Variants in DRC8 observed in about 807,000 individuals in gnomAD.
The protein encoded by DRC8 is dynein regulatory complex protein 8.
chr1:245,076,841 C>T, the DRC8 span, among the ~76,000 whole-genome samples: 1 of 152,092 alleles, frequency 6.6e-6, no homozygotes, highest in Admixed American at 6.6e-5. Context: ...ATCCTCCTGC[C>T]TCAGCCTCCC....
the DRC8 span, among the ~76,000 whole-genome samples, chr1:245,055,447 G>T: frequency 6.6e-6 from 1 of 152,104 alleles, no homozygotes; most frequent in African/African-American, 2.4e-5. Context: ...TGTCTCCTGA[G>T]TAGCTGGGAC....
the DRC8 span, among the ~76,000 whole-genome samples, chr1:245,084,681 C>A: frequency 6.6e-6 from 1 of 152,156 alleles, no homozygotes; most frequent in Non-Finnish European, 1.5e-5. Flanking sequence ...CCATACAAAG[C>A]TAGAGCTCTC....
chr1:245,058,580 C>T, the DRC8 span, among the ~76,000 whole-genome samples: 2 of 151,978 alleles, frequency 1.3e-5, no homozygotes, highest in East Asian at 1.9e-4. Flanking sequence ...TGAATATTTG[C>T]GAAATTAAAT....
the DRC8 span, among the ~76,000 whole-genome samples, chr1:245,080,260 T>C: frequency 6.6e-6 from 1 of 152,164 alleles, no homozygotes; most frequent in Admixed American, 6.6e-5. Flanking sequence ...TCCTTATAGA[T>C]AGCCCGACAT....
the DRC8 span, among the ~76,000 whole-genome samples, chr1:244,972,136 A>G: frequency 2.0e-5 from 3 of 152,208 alleles, no homozygotes; most frequent in Non-Finnish European, 4.4e-5. Flanking sequence ...CAGCTTTTGA[A>G]CAATTTTTTT....
At chr1:245,092,157 TAGAG>T in the DRC8 span, among the ~76,000 whole-genome samples, 3 of 152,158 alleles carry the variant, frequency 2.0e-5, no homozygotes, top group Non-Finnish European at 4.4e-5. Context: ...GTCTGTAAAA[TAGAG>T]AGCCCAGCTC....
At chr1:244,970,777 T>G in the DRC8 span, 1 of 357,290 alleles carries the variant, frequency 2.8e-6, no homozygotes. Context: ...TCCCGCCCCG[T>G]CCTCCTTCCC....
At chr1:245,017,743 C>T in the DRC8 span, among the ~76,000 whole-genome samples, 1 of 152,116 alleles carries the variant, frequency 6.6e-6, no homozygotes, top group African/African-American at 2.4e-5. Context: ...TATGCGATGA[C>T]ACACTCCCCC....
At chr1:245,087,833 T>A in the DRC8 span, 1 of 799,222 alleles carries the variant, frequency 1.3e-6, no homozygotes, top group Non-Finnish European at 1.5e-6. Context: ...TAAATATTAC[T>A]AATTTATTTT....
chr1:245,094,466 C>T, the DRC8 span, among the ~76,000 whole-genome samples: 1,992 of 152,292 alleles, frequency 0.013, 98 homozygotes, highest in East Asian at 0.14. Flanking sequence ...GGAATGAGTA[C>T]ACGAGCGAAG....
the DRC8 span, among the ~76,000 whole-genome samples, chr1:245,097,196 T>C: frequency 6.6e-6 from 1 of 152,184 alleles, no homozygotes; most frequent in Admixed American, 6.5e-5. This position sits in a 1 kb window ranked among gnomAD's most constrained non-coding sequence, Gnocchi z 5.0. Context: ...CAATAAAATA[T>C]TTAATTAGTG....
At chr1:245,007,827 G>A in the DRC8 span, among the ~76,000 whole-genome samples, 90,688 of 151,844 alleles carry the variant, frequency 0.6, 27,492 homozygotes, top group East Asian at 0.75. Flanking sequence ...CTTCAAGATG[G>A]GTAATGACTT....
At chr1:245,110,310 G>A in the DRC8 span, among the ~76,000 whole-genome samples, 1 of 152,220 alleles carries the variant, frequency 6.6e-6, no homozygotes, top group African/African-American at 2.4e-5. Context: ...CTTGAACCCA[G>A]GAGGTGGAGG....
chr1:245,002,347 G>C, the DRC8 span: 1 of 789,646 alleles, frequency 1.3e-6, no homozygotes. Flanking sequence ...CATCTAGCCA[G>C]ATACTCCCTA....
the DRC8 span, among the ~76,000 whole-genome samples, chr1:245,048,723 A>T: frequency 6.6e-6 from 1 of 151,900 alleles, no homozygotes; most frequent in African/African-American, 2.4e-5. Flanking sequence ...TATACATTTT[A>T]TTATTATTGT....
chr1:245,011,399 A>G, the DRC8 span, among the ~76,000 whole-genome samples: 1 of 152,256 alleles, frequency 6.6e-6, no homozygotes, highest in Non-Finnish European at 1.5e-5. Flanking sequence ...TGAAAAAATA[A>G]TGTGTTCAAG....
chr1:244,969,699 A>C, the DRC8 span: 2 of 176,998 alleles, frequency 1.1e-5, no homozygotes, highest in Non-Finnish European at 2.3e-5. Context: ...TCCTCTAGCA[A>C]TAGTCGAATG....
At chr1:245,105,010 G>A in the DRC8 span, among the ~76,000 whole-genome samples, 1 of 152,286 alleles carries the variant, frequency 6.6e-6, no homozygotes, top group South Asian at 2.1e-4. Flanking sequence ...TTGTCCGCAC[G>A]TTGGACTTGT....
the DRC8 span, among the ~76,000 whole-genome samples, chr1:245,077,418 A>G: frequency 3.3e-5 from 5 of 152,222 alleles, no homozygotes; most frequent in African/African-American, 1.2e-4. Flanking sequence ...CAAGTGTACC[A>G]TAATAATGTA....
Sources: gnomAD v4.1 joint callset for allele counts (sites outside exome capture counted in the v4.1 genomes callset) on GRCh38, gnomAD v4.1.1 for gene constraint, Gnocchi (gnomAD v3.1) non-coding constraint, MANE v1.5 for transcripts, NCBI Gene and HGNC (gene_info 2026-07-23, HGNC 2026-07-21) for gene names.